Variants in RIT2 observed in about 807,000 individuals in gnomAD.
The protein encoded by RIT2 is GTP-binding protein Rit2.
In RIT2, 24 loss-of-function variants were observed where a neutral mutation model predicts 23.7. The observed-to-expected ratio is 1.01, with a 90% confidence interval of 0.73 to 1.43. The LOEUF (loss-of-function observed/expected upper bound fraction) is 1.43, where lower values mean the gene tolerates loss of function less well. Ranked by LOEUF, RIT2 falls within the 40% of genes most tolerant of loss-of-function variation. The pLI is 0.00. For synonymous variants in RIT2, 107 were observed against 91.1 expected, an observed-to-expected ratio of 1.17 and a Z score of -0.99; for missense variants, 236 against 266.9, an observed-to-expected ratio of 0.88 and a Z score of 0.81.
At chr18:42,771,783 T>C (rs1200505520) in intron 4 of RIT2, among the ~76,000 whole-genome samples, 1 of 152,178 alleles carries the variant, frequency 6.6e-6, no homozygotes, top group African/African-American at 2.4e-5. Context: ...AGCAATGTTA[T>C]TCAGGGTATA....
chr18:42,786,997 G>A (rs1913937049), intron 4 of RIT2, among the ~76,000 whole-genome samples: 1 of 152,044 alleles, frequency 6.6e-6, no homozygotes, highest in African/African-American at 2.4e-5. Context: ...AGAGTAAAAT[G>A]AAATTTCCAG....
intron 4 of RIT2, among the ~76,000 whole-genome samples, chr18:42,792,747 A>G (rs1914071396): frequency 6.6e-6 from 1 of 152,168 alleles, no homozygotes; most frequent in South Asian, 2.1e-4. Flanking sequence ...TTACTGTCCT[A>G]TTCCACAGGT....
intron 2 of RIT2, among the ~76,000 whole-genome samples, chr18:42,979,818 C>A (rs1910555661): frequency 1.3e-5 from 2 of 152,128 alleles, no homozygotes; most frequent in South Asian, 4.1e-4. Context: ...GTGGTTTCCA[C>A]CCACATTGAA....
intron 4 of RIT2, among the ~76,000 whole-genome samples, chr18:42,857,200 C>T (rs566347406): frequency 5.3e-5 from 8 of 152,164 alleles, no homozygotes; most frequent in African/African-American, 1.9e-4. Flanking sequence ...TGTGAAACAT[C>T]CCACAAACTA....
At chr18:43,086,247 T>C (rs1426962593) in intron 1 of RIT2, among the ~76,000 whole-genome samples, 19 of 152,142 alleles carry the variant, frequency 1.2e-4, no homozygotes, top group African/African-American at 4.3e-4. Flanking sequence ...TGGAGCATTT[T>C]AGATTTTTGG....
In RIT2 at chr18:42,793,544, C is replaced by T. The variant is rs143154330; in HGVS notation, c.427-49824G>A. 3.8e-3 allele frequency among the ~76,000 whole-genome samples: 579 copies of T among 152,230 alleles called. 6 individuals carry two copies. Among genetic ancestry groups the T allele is most frequent in the Non-Finnish European group, 5.9e-3 (401 of 67,996 alleles). ...GGGAAATAAATCTGGGGGACTTCAA[C>T]ATATTAATGCCAAATAAAGTCATGA... On this transcript the variant is annotated intron_variant, in intron 4 of 4. Transcript: ENST00000326695.
At chr18:43,025,268 TAGC>T (rs906945117) in intron 2 of RIT2, among the ~76,000 whole-genome samples, 24 of 145,486 alleles carry the variant, frequency 1.6e-4, no homozygotes, top group African/African-American at 5.8e-4. Context: ...AATAGGCAAA[TAGC>T]AGATCTTGGT....
chr18:43,114,556 G>A (rs1228938624), intron 1 of RIT2, among the ~76,000 whole-genome samples: 1 of 151,958 alleles, frequency 6.6e-6, no homozygotes, highest in Non-Finnish European at 1.5e-5. Flanking sequence ...ATTCCCAGTG[G>A]AGATATTTAA....
At chr18:42,941,533 A>G (rs1909599609) in intron 3 of RIT2, among the ~76,000 whole-genome samples, 1 of 152,182 alleles carries the variant, frequency 6.6e-6, no homozygotes, top group Admixed American at 6.6e-5. Flanking sequence ...AAACAATGCA[A>G]ATAAATCCAG....
chr18:42,777,285 CAAAA>C (rs71175922), intron 4 of RIT2, among the ~76,000 whole-genome samples: 11 of 127,958 alleles, frequency 8.6e-5, no homozygotes, highest in Non-Finnish European at 1.2e-4. Flanking sequence ...GTCTGGACTT[CAAAA>C]AAAAAAAAAA....
chr18:43,103,042 C>T (rs988747752), intron 1 of RIT2, among the ~76,000 whole-genome samples: 1 of 152,156 alleles, frequency 6.6e-6, no homozygotes, highest in Non-Finnish European at 1.5e-5. Context: ...TGTTTCTGAA[C>T]ATCCTAAACA....
chr18:43,045,583 T>A (rs985723424), intron 1 of RIT2, among the ~76,000 whole-genome samples: 16 of 152,188 alleles, frequency 1.1e-4, no homozygotes, highest in African/African-American at 3.9e-4. Flanking sequence ...CTAAGCATTT[T>A]CTTTTGTTTG....
chr18:43,065,429 A>G (rs931833698), intron 1 of RIT2, among the ~76,000 whole-genome samples: 2 of 151,928 alleles, frequency 1.3e-5, no homozygotes, highest in African/African-American at 4.8e-5. Flanking sequence ...TGCAAGGTAA[A>G]TCACAAAATA....
chr18:43,046,230 G>A (rs1253398443), intron 1 of RIT2, among the ~76,000 whole-genome samples: 3 of 152,072 alleles, frequency 2.0e-5, no homozygotes, highest in Non-Finnish European at 4.4e-5. Context: ...TATGACATCT[G>A]TTCAAATGAA....
chr18:43,110,240 CAT>C (rs56074528), intron 1 of RIT2, among the ~76,000 whole-genome samples: 10 of 150,710 alleles, frequency 6.6e-5, no homozygotes, highest in African/African-American at 2.2e-4. Context: ...TCCTTAACTC[CAT>C]ATATATATAT....
At chr18:42,777,575 G>A (rs957803591) in intron 4 of RIT2, among the ~76,000 whole-genome samples, 1 of 152,136 alleles carries the variant, frequency 6.6e-6, no homozygotes, top group African/African-American at 2.4e-5. Flanking sequence ...AAAAATTGCT[G>A]CTGATATGTC....
At chr18:43,043,299 C>A (rs963967412) in intron 1 of RIT2, among the ~76,000 whole-genome samples, 6 of 152,104 alleles carry the variant, frequency 3.9e-5, no homozygotes, top group Admixed American at 1.3e-4. Context: ...GGCCATAGGA[C>A]CCCAAAGCCA....
intron 4 of RIT2, among the ~76,000 whole-genome samples, chr18:42,862,209 T>C (rs190955111): frequency 1.3e-5 from 2 of 152,250 alleles, no homozygotes; most frequent in African/African-American, 4.8e-5. Flanking sequence ...GTTCTTATGA[T>C]AGAGAGCGAG....
chr18:42,937,875 C>A (rs1392522263), intron 3 of RIT2, among the ~76,000 whole-genome samples: 2 of 152,096 alleles, frequency 1.3e-5, no homozygotes, highest in East Asian at 3.9e-4. Flanking sequence ...AAATACAACT[C>A]TTCAAGAGGC....
Sources: allele counts gnomAD v4.1 joint callset (sites outside exome capture counted in the v4.1 genomes callset), GRCh38; gene constraint gnomAD v4.1.1; transcripts MANE v1.5; gene names NCBI Gene and HGNC (gene_info 2026-07-23, HGNC 2026-07-21).